The following PPP2R2C variants were observed in gnomAD, a reference collection of about 807,000 sequenced individuals.
PPP2R2C encodes protein phosphatase 2 regulatory subunit Bgamma.
In PPP2R2C, 10 loss-of-function variants were observed where a neutral mutation model predicts 45.3. The observed-to-expected ratio is 0.22, with a 90% CI of 0.14 to 0.37. PPP2R2C has a LOEUF of 0.37. Among genes scored for constraint, PPP2R2C ranks in the 10% least tolerant of loss-of-function variants. The probability of loss-of-function intolerance (pLI) is 1.00; values close to 1 mark genes in which losing one functional copy is unlikely to be tolerated. For synonymous variants in PPP2R2C, 257 were observed against 245.4 expected, an observed-to-expected ratio of 1.05 and a Z score of -0.44; for missense variants, 308 against 619.7, an observed-to-expected ratio of 0.50 and a Z score of 5.34.
intron 1 of PPP2R2C, among the ~76,000 whole-genome samples, chr4:6,461,324 C>T (rs555829444): frequency 3.8e-4 from 58 of 152,276 alleles, no homozygotes; most frequent in African/African-American, 1.4e-3. Flanking sequence ...TTTGTGGGGT[C>T]ATGTGGCAAA....
intron 2 of PPP2R2C, among the ~76,000 whole-genome samples, chr4:6,496,488 A>G (rs1274747973): frequency 3.9e-5 from 6 of 152,192 alleles, no homozygotes; most frequent in African/African-American, 1.4e-4. Context: ...GGGAAGGGCC[A>G]TGTTAGGGGA....
upstream of PPP2R2C, among the ~76,000 whole-genome samples, chr4:6,476,122 G>A (rs1722136366): frequency 6.6e-6 from 1 of 152,114 alleles, no homozygotes; most frequent in Admixed American, 6.5e-5. Context: ...TGTTGTTTAC[G>A]CCACTTATCC....
At chr4:6,442,053 G>A (rs1212967241) in intron 1 of PPP2R2C, among the ~76,000 whole-genome samples, 1 of 152,204 alleles carries the variant, frequency 6.6e-6, no homozygotes, top group East Asian at 1.9e-4. Flanking sequence ...GTGGGGGAAG[G>A]CAGCCAGCAG....
At chr4:6,436,422 T>C (rs1037713917) in intron 1 of PPP2R2C, among the ~76,000 whole-genome samples, 1 of 152,266 alleles carries the variant, frequency 6.6e-6, no homozygotes, top group African/African-American at 2.4e-5. Context: ...CACCCATTTT[T>C]GACCTTTACT....
chr4:6,511,238 C>T (rs571759188), intron 2 of PPP2R2C, among the ~76,000 whole-genome samples: 20 of 120,682 alleles, frequency 1.7e-4, no homozygotes, highest in Admixed American at 2.5e-4. Context: ...TTAGTCGTTC[C>T]GCTGGTGATG....
At chr4:6,343,649 G>A (rs1711549957) in intron 6 of PPP2R2C, among the ~76,000 whole-genome samples, 2 of 152,148 alleles carry the variant, frequency 1.3e-5, no homozygotes, top group Admixed American at 6.6e-5. Flanking sequence ...GAACCCAGGA[G>A]GTGGAGGCTG....
At chr4:6,342,142 A>G (rs935147953) in intron 6 of PPP2R2C, among the ~76,000 whole-genome samples, 21 of 151,848 alleles carry the variant, frequency 1.4e-4, no homozygotes, top group African/African-American at 4.8e-4. Context: ...ATATATATAC[A>G]TACATATATA....
chr4:6,501,819 T>G (rs1038057956), intron 2 of PPP2R2C, among the ~76,000 whole-genome samples: 5 of 152,308 alleles, frequency 3.3e-5, no homozygotes, highest in Middle Eastern at 3.4e-3. Flanking sequence ...AGAGGACAGA[T>G]GGAGCACCTG....
chr4:6,381,690 T>C lies in PPP2R2C; in HGVS notation c.71-596A>G, dbSNP rs577788997. 6.5e-6 allele frequency: 10 copies of C among 1,535,804 alleles called. No homozygotes were observed. In the Middle Eastern group the frequency reaches 5.4e-4, roughly 83 times the overall value. ...TGCTCGCAGAAGCGAAGCTCAGCCC[T>C]GCCTGCCCTGACCCTCCCTGCACTT... On this transcript the variant is annotated intron_variant, in intron 1 of 8. Coordinates refer to ENST00000382599, the MANE Select transcript of PPP2R2C (RefSeq NM_020416.4).
chr4:6,511,198 G>A (rs1723440824), intron 2 of PPP2R2C, among the ~76,000 whole-genome samples: 1 of 152,164 alleles, frequency 6.6e-6, no homozygotes, highest in African/African-American at 2.4e-5. Context: ...TTAGAACGAT[G>A]CCTGGCATGG....
chr4:6,447,142 G>A (rs1481959079), intron 1 of PPP2R2C, among the ~76,000 whole-genome samples: 1 of 152,082 alleles, frequency 6.6e-6, no homozygotes, highest in Non-Finnish European at 1.5e-5. Context: ...AGCTGGCCTG[G>A]CTCTCACTCT....
In PPP2R2C at chr4:6,328,463, C is replaced by T. The variant is rs910093511; in HGVS notation, c.1052+799G>A. On this transcript the variant is annotated intron_variant, in intron 8 of 8. Transcript: ENST00000382599. The surrounding 1 kb of genome is among the most constrained non-coding windows in gnomAD (Gnocchi z 4.4). ...GGCTTGTCCATTTCAGAATCTTACG[C>T]CTGGCAGGACCCTGAGCACAAAGCT... Among the ~76,000 whole-genome samples the T allele has an allele frequency of 6.6e-6, 1 of 152,186 alleles. No individual in the cohort carries two copies. Among genetic ancestry groups the T allele is most frequent in the African/African-American group, 2.4e-5 (1 of 41,436 alleles).
At chr4:6,532,372 A>C (rs1724433407) in intron 2 of PPP2R2C, among the ~76,000 whole-genome samples, 1 of 152,212 alleles carries the variant, frequency 6.6e-6, no homozygotes, top group Non-Finnish European at 1.5e-5. Context: ...CACAGTGTTG[A>C]GCAGCCTTGA....
intron 5 of PPP2R2C, among the ~76,000 whole-genome samples, chr4:6,367,860 G>A (rs925518737): frequency 6.6e-6 from 1 of 152,172 alleles, no homozygotes; most frequent in Non-Finnish European, 1.5e-5. Context: ...TGGCCACCAT[G>A]TGCCCCTGGA....
At position 6,345,156 on chromosome 4, in the gene PPP2R2C, T is replaced by C. The variant is rs1448198680; in HGVS notation, c.790+2690A>G. Among the ~76,000 whole-genome samples the C allele has an allele frequency of 1.3e-5, 2 of 152,144 alleles. No homozygotes were observed. Among genetic ancestry groups the C allele is most frequent in the African/African-American group, 2.4e-5 (1 of 41,426 alleles). ...GGTGCCAATGAAGCCCCATCCTCCT[T>C]CCCACAGGGCTCACACGGGGTCAGC... On this transcript the variant is annotated intron_variant, in intron 6 of 8. Coordinates refer to ENST00000382599, the MANE Select transcript of PPP2R2C (RefSeq NM_020416.4). This position sits in a 1 kb window ranked among gnomAD's most constrained non-coding sequence, Gnocchi z 5.3.
At chr4:6,552,522 C>G (rs1331934151) in intron 1 of PPP2R2C, among the ~76,000 whole-genome samples, 1 of 151,980 alleles carries the variant, frequency 6.6e-6, no homozygotes, top group Non-Finnish European at 1.5e-5. Context: ...TTCTCCCTCT[C>G]TTCTCTTCTC....
chr4:6,563,172 CGCCGGTTCTCGGCCGA>C lies in PPP2R2C; in HGVS notation c.-59+372_-59+387del, dbSNP rs1725640138. On this transcript the variant is annotated intron_variant, in intron 1 of 9. Transcript: ENST00000506140. This position sits in a 1 kb window ranked among gnomAD's most constrained non-coding sequence, Gnocchi z 5.8. Reference sequence around the variant, plus strand: ...CGGGCAGCGAGGGGGGGCTCGAGCGCGCCGGTTCTCGGCCGAGACGCTGTGGCTGACACCGGTGGAG... The same window carrying C: ...CGGGCAGCGAGGGGGGGCTCGAGCGCGACGCTGTGGCTGACACCGGTGGAG... Among the ~76,000 whole-genome samples, 1 of 152,170 alleles carries C rather than the reference CGCCGGTTCTCGGCCGA, an allele frequency of 6.6e-6. No individual in the cohort carries two copies. The highest frequency in any genetic ancestry group is 1.5e-5 in the Non-Finnish European group (1 of 68,024).
At chr4:6,485,116 C>A (rs1190413587) in intron 2 of PPP2R2C, among the ~76,000 whole-genome samples, 1 of 151,814 alleles carries the variant, frequency 6.6e-6, no homozygotes, top group African/African-American at 2.4e-5. Flanking sequence ...TCAATTTTAT[C>A]AAGAATAAAG....
chr4:6,487,611 A>AC (rs1195234344), intron 2 of PPP2R2C, among the ~76,000 whole-genome samples: 1 of 150,978 alleles, frequency 6.6e-6, no homozygotes, highest in Non-Finnish European at 1.5e-5. Flanking sequence ...TGTTTTCCCC[A>AC]CCCCACGCCT....
Sources: allele counts gnomAD v4.1 joint callset (sites outside exome capture counted in the v4.1 genomes callset), GRCh38; gene constraint gnomAD v4.1.1; non-coding constraint Gnocchi (gnomAD v3.1); transcripts MANE v1.5; gene names NCBI Gene and HGNC (gene_info 2026-07-23, HGNC 2026-07-21).